Variants in UBAP2 observed in about 807,000 individuals in gnomAD.
The protein encoded by UBAP2 is ubiquitin-associated protein 2.
UBAP2 carries 75 observed loss-of-function variants against 139.6 expected under a neutral mutation model. The ratio of observed to expected loss-of-function variants is 0.54; its 90% CI spans 0.45 to 0.65. The LOEUF (loss-of-function observed/expected upper bound fraction) is 0.65. Ranked by LOEUF, UBAP2 falls within the 30% of genes least tolerant of loss-of-function variation. The pLI is 0.00. For missense variants in UBAP2, 1,368 were observed against 1,369.6 expected, an observed-to-expected ratio of 1.00 and a Z score of 0.02; for synonymous variants, 526 against 526.2, an observed-to-expected ratio of 1.00 and a Z score of 0.01.
At chr9:34,013,711 T>C (rs1823978352) in intron 2 of UBAP2, among the ~76,000 whole-genome samples, 1 of 151,678 alleles carries the variant, frequency 6.6e-6, no homozygotes, top group Non-Finnish European at 1.5e-5. Context: ...ACCCCGTCTC[T>C]ACCAAAAATA....
Position 34,048,856 on chromosome 9 carries a change from TGCC to T in UBAP2, c.-76_-74del, listed in dbSNP as rs753833083. ...TGCTCTCGGAGGACCCAAGACCCGC[TGCC>T]GCCGCCGCCGCTCGTTACCTGCCAA... is the stretch of plus-strand genomic sequence containing the variant. On this transcript the variant is annotated 5_prime_UTR_variant, in exon 1 of 29. Coordinates refer to ENST00000379238, the MANE Select transcript of UBAP2 (RefSeq NM_001370062.2). 2.0e-5 allele frequency: 3 copies of T among 152,202 alleles called. No homozygotes were observed. Among genetic ancestry groups the T allele is most frequent in the Non-Finnish European group, 4.4e-5 (3 of 68,170 alleles). The allele number at this position is 152,202 out of a possible 1,614,324, so 9.4% of individuals were successfully genotyped here.
intron 6 of UBAP2, 128 bp from the exon 7 acceptor site, chr9:33,973,365 T>C (rs1383190575): frequency 1.3e-5 from 13 of 1,008,020 alleles, no homozygotes; most frequent in Non-Finnish European, 1.8e-5. Flanking sequence ...AACATTCCAA[T>C]CCAGGGCACC....
At chr9:33,926,541 G>A (rs1823442973) in intron 22 of UBAP2, 76 bp downstream of exon 22, 3 of 1,525,142 alleles carry the variant, frequency 2.0e-6, no homozygotes, top group Admixed American at 1.7e-5. Flanking sequence ...AGAGAGTGTG[G>A]CAGCCAAGAC....
chr9:34,042,881 G>A (rs1490818014), intron 1 of UBAP2, among the ~76,000 whole-genome samples: 3 of 151,894 alleles, frequency 2.0e-5, no homozygotes, highest in African/African-American at 7.3e-5. Flanking sequence ...AGACCAGCCT[G>A]GGCAACATAG....
chr9:33,929,687 A>C (rs307687), intron 19 of UBAP2, among the ~76,000 whole-genome samples: 6,119 of 152,256 alleles, frequency 0.04, 263 homozygotes, highest in African/African-American at 0.1. Context: ...GACCTGACAA[A>C]AAAAGGAACC....
At chr9:33,982,823 C>A (rs1016122074) in intron 6 of UBAP2, among the ~76,000 whole-genome samples, 2 of 151,776 alleles carry the variant, frequency 1.3e-5, no homozygotes, top group African/African-American at 4.8e-5. Flanking sequence ...CCCATCCTAA[C>A]AGATACTCAA....
intron 2 of UBAP2, among the ~76,000 whole-genome samples, chr9:34,010,408 G>C (rs2131247992): frequency 7.6e-6 from 1 of 131,500 alleles, no homozygotes; most frequent in East Asian, 2.2e-4. Context: ...TAGGCAACAA[G>C]GGCAGAAACT....
At chr9:33,979,021 T>C (rs1045647548) in intron 6 of UBAP2, among the ~76,000 whole-genome samples, 44 of 152,264 alleles carry the variant, frequency 2.9e-4, no homozygotes, top group African/African-American at 9.9e-4. Flanking sequence ...GAGGACTGCT[T>C]GGAGCCAGGA....
intron 10 of UBAP2, 88 bp from the exon 11 acceptor site, chr9:33,956,234 GTC>G: frequency 1.1e-6 from 1 of 889,820 alleles, no homozygotes; most frequent in Non-Finnish European, 1.8e-6. Context: ...GTCATCAGTA[GTC>G]TCTTACACTT....
At chr9:34,029,415 G>C (rs2131323528) in intron 1 of UBAP2, among the ~76,000 whole-genome samples, 1 of 151,914 alleles carries the variant, frequency 6.6e-6, no homozygotes, top group Admixed American at 6.6e-5. Context: ...TATAATCCCA[G>C]CTACTCGGGA....
At chr9:33,966,535 G>T (rs551796898) in intron 8 of UBAP2, among the ~76,000 whole-genome samples, 2 of 152,068 alleles carry the variant, frequency 1.3e-5, no homozygotes, top group East Asian at 1.9e-4. Flanking sequence ...TGAAGCTATC[G>T]ATCAATTTGG....
chr9:34,037,092 G>A lies in UBAP2; in HGVS notation c.-42+11733C>T, dbSNP rs1026005513. ...CAACCTCCGACTTCTGGGATCAAGC[G>A]ATTCTCCTGCCTCGGCCTCCGGATT... On this transcript the variant is annotated intron_variant, in intron 1 of 28. Transcript: ENST00000379238. Among the ~76,000 whole-genome samples the A allele has an allele frequency of 6.9e-4, 102 of 148,450 alleles. 1 individual carries two copies. Among genetic ancestry groups the A allele is most frequent in the African/African-American group, 2.3e-3 (94 of 40,196 alleles).
rs771161295 is a variant in UBAP2, at chr9:33,933,524, C to G, written c.2074G>C (p.Asp692His). 1.2e-6 allele frequency: 2 copies of G among 1,613,908 alleles called. No homozygotes were observed. The highest frequency in any genetic ancestry group is 1.7e-6 in the Non-Finnish European group (2 of 1,179,988). ...TGAGAGAGAGGGCTGCTAGTCAGGT[C>G]GCCAGTGTGCTGGGATGTGGACGGC... ...LLPSTSQHTGDLTSSPLSQLS... is the reference protein window; with the variant it reads ...LLPSTSQHTGHLTSSPLSQLS... The change falls in exon 18 of 29, where the codon GAC (aspartate) becomes CAC (histidine). Residue 692 changes from aspartate (D) to histidine (H), a missense_variant. Coordinates refer to ENST00000379238, the MANE Select transcript of UBAP2 (RefSeq NM_001370062.2).
At chr9:33,974,360 A>AG (rs1208829372) in intron 6 of UBAP2, among the ~76,000 whole-genome samples, 1 of 152,130 alleles carries the variant, frequency 6.6e-6, no homozygotes, top group Non-Finnish European at 1.5e-5. Context: ...TACAAATATT[A>AG]ATGGGGCATA....
At chr9:34,006,239 A>T (rs1330414564) in intron 2 of UBAP2, among the ~76,000 whole-genome samples, 1 of 134,414 alleles carries the variant, frequency 7.4e-6, no homozygotes, top group African/African-American at 3.2e-5. Context: ...TCTCAAAAAG[A>T]AAAAAAAAAA....
At chr9:33,961,552 C>A (rs1442668503) in intron 9 of UBAP2, among the ~76,000 whole-genome samples, 4 of 152,024 alleles carry the variant, frequency 2.6e-5, no homozygotes, top group African/African-American at 9.7e-5. Context: ...TACTTACTTA[C>A]AGATCTTATA....
intron 16 of UBAP2, 69 bp from the exon 17 acceptor site, chr9:33,935,947 A>G: frequency 7.3e-7 from 1 of 1,375,150 alleles, no homozygotes; most frequent in South Asian, 1.2e-5. Context: ...GGCTTTTTAT[A>G]CTTTCTACAA....
At chr9:33,952,221 CT>C (rs1220132352) in intron 12 of UBAP2, among the ~76,000 whole-genome samples, 5 of 152,150 alleles carry the variant, frequency 3.3e-5, no homozygotes, top group Non-Finnish European at 2.9e-5. Flanking sequence ...ATCCATAGAC[CT>C]TTCTAACTTC....
chr9:34,005,984 A>T (rs1823174285), intron 2 of UBAP2, among the ~76,000 whole-genome samples: 2 of 152,240 alleles, frequency 1.3e-5, no homozygotes, highest in South Asian at 4.1e-4. Flanking sequence ...TAATCCCAGC[A>T]CTTTGGGAGG....
Sources: allele counts gnomAD v4.1 joint callset (sites outside exome capture counted in the v4.1 genomes callset), GRCh38; gene constraint gnomAD v4.1.1; transcripts MANE v1.5; gene names NCBI Gene and HGNC (gene_info 2026-07-23, HGNC 2026-07-21).